Variants in TAS2R1 observed in about 807,000 individuals in gnomAD.
TAS2R1 encodes taste 2 receptor member 1.
For missense variants in TAS2R1, 370 were observed against 353.4 expected (o/e 1.05, Z -0.38); for synonymous variants, 141 against 134.2 (o/e 1.05, Z -0.35).
the TAS2R1 span, among the ~76,000 whole-genome samples, chr5:9,888,512 C>T: frequency 5.9e-5 from 9 of 152,228 alleles, no homozygotes; most frequent in East Asian, 9.7e-4. Flanking sequence ...TTAATCAATC[C>T]GTAATGCATG....
chr5:9,771,422 T>C, the TAS2R1 span, among the ~76,000 whole-genome samples: 2 of 152,226 alleles, frequency 1.3e-5, no homozygotes, highest in African/African-American at 4.8e-5. Flanking sequence ...GATTTGCTAA[T>C]ATTTTGCTAA....
chr5:9,850,837 G>A, the TAS2R1 span, among the ~76,000 whole-genome samples: 8 of 152,206 alleles, frequency 5.3e-5, no homozygotes, highest in Admixed American at 4.6e-4. Flanking sequence ...ACACCACTGT[G>A]AAATGGGAGG....
chr5:9,731,212 C>T, the TAS2R1 span, among the ~76,000 whole-genome samples: 1 of 151,994 alleles, frequency 6.6e-6, no homozygotes, highest in Non-Finnish European at 1.5e-5. Flanking sequence ...CCTGACAACT[C>T]CCCTCCTTCC....
At chr5:9,760,312 T>G in the TAS2R1 span, among the ~76,000 whole-genome samples, 1 of 152,144 alleles carries the variant, frequency 6.6e-6, no homozygotes, top group African/African-American at 2.4e-5. Flanking sequence ...TCCAAGAAGA[T>G]AGAAGTAGAG....
chr5:9,795,190 G>C, the TAS2R1 span, among the ~76,000 whole-genome samples: 1 of 152,110 alleles, frequency 6.6e-6, no homozygotes, highest in Non-Finnish European at 1.5e-5. Flanking sequence ...TCTCTAATCA[G>C]CGTTTTCTAC....
the TAS2R1 span, among the ~76,000 whole-genome samples, chr5:9,755,915 C>G: frequency 6.6e-6 from 1 of 152,138 alleles, no homozygotes; most frequent in Non-Finnish European, 1.5e-5. Context: ...GGGTTTTAGC[C>G]AGCTTCTTTA....
chr5:9,695,080 C>G (rs13175655), intron 1 of TAS2R1, among the ~76,000 whole-genome samples: 33,098 of 152,116 alleles, frequency 0.22, 3,767 homozygotes, highest in African/African-American at 0.26. Context: ...CAGTACATGA[C>G]TTCTATCTAA....
chr5:9,831,481 G>A, the TAS2R1 span, among the ~76,000 whole-genome samples: 4 of 152,092 alleles, frequency 2.6e-5, no homozygotes, highest in African/African-American at 7.2e-5. Flanking sequence ...GCAATATAAT[G>A]TAGACATTTT....
At chr5:9,631,105 G>A (rs61621590), upstream of TAS2R1, among the ~76,000 whole-genome samples, 21,376 of 152,108 alleles carry the variant, frequency 0.14, 1,663 homozygotes, top group South Asian at 0.19. Context: ...AAAATGTTTC[G>A]AGACATTGCC....
chr5:9,813,097 C>A, the TAS2R1 span, among the ~76,000 whole-genome samples: 1 of 152,138 alleles, frequency 6.6e-6, no homozygotes, highest in South Asian at 2.1e-4. Flanking sequence ...TCATTTTAAA[C>A]AAGGACCTTA....
chr5:9,634,418 G>A (rs1417084132), upstream of TAS2R1, among the ~76,000 whole-genome samples: 1 of 151,966 alleles, frequency 6.6e-6, no homozygotes. Context: ...GCGTAGTCTT[G>A]CTTTGGCTAT....
the TAS2R1 span, among the ~76,000 whole-genome samples, chr5:9,861,261 T>C: frequency 6.6e-6 from 1 of 151,958 alleles, no homozygotes; most frequent in Non-Finnish European, 1.5e-5. Flanking sequence ...TTTCCCACCA[T>C]TCCTTTATGC....
intron 1 of TAS2R1, among the ~76,000 whole-genome samples, chr5:9,680,513 A>G (rs1740971946): frequency 6.6e-6 from 1 of 152,226 alleles, no homozygotes; most frequent in Non-Finnish European, 1.5e-5. Flanking sequence ...GCCACAAATC[A>G]TGTTGATAAT....
At chr5:9,684,126 T>C (rs1741080681) in intron 1 of TAS2R1, among the ~76,000 whole-genome samples, 1 of 152,146 alleles carries the variant, frequency 6.6e-6, no homozygotes, top group Non-Finnish European at 1.5e-5. Flanking sequence ...CTATTCACAA[T>C]AGCCAAAATA....
At chr5:9,768,109 C>T in the TAS2R1 span, among the ~76,000 whole-genome samples, 49 of 152,218 alleles carry the variant, frequency 3.2e-4, no homozygotes, top group South Asian at 1.0e-3. Flanking sequence ...CCATCCAGCA[C>T]GCCATCTGTC....
chr5:9,720,312 T>G, the TAS2R1 span, among the ~76,000 whole-genome samples: 476 of 152,380 alleles, frequency 3.1e-3, 3 homozygotes, highest in Middle Eastern at 0.01. Context: ...TTCCTGGGCA[T>G]GGCTTTAAGC....
intron 1 of TAS2R1, among the ~76,000 whole-genome samples, chr5:9,685,125 A>G (rs1195116855): frequency 6.6e-6 from 1 of 152,232 alleles, no homozygotes; most frequent in African/African-American, 2.4e-5. Flanking sequence ...CTGGATTAGC[A>G]GCAGAGATCT....
At chr5:9,643,327 C>T (rs1289538775) in intron 2 of TAS2R1, among the ~76,000 whole-genome samples, 2 of 152,124 alleles carry the variant, frequency 1.3e-5, no homozygotes, top group Non-Finnish European at 2.9e-5. Context: ...ATGTTACTGT[C>T]CTGAATGCTG....
chr5:9,782,674 G>A, the TAS2R1 span, among the ~76,000 whole-genome samples: 3 of 152,162 alleles, frequency 2.0e-5, no homozygotes, highest in Non-Finnish European at 4.4e-5. Flanking sequence ...ACTAAGAGTC[G>A]TGCATGCAAG....
Sources: gnomAD v4.1 joint callset for allele counts (sites outside exome capture counted in the v4.1 genomes callset) on GRCh38, gnomAD v4.1.1 for gene constraint, MANE v1.5 for transcripts, NCBI Gene and HGNC (gene_info 2026-07-23, HGNC 2026-07-21) for gene names.